SIAH3: variants seen among roughly 807,000 people sequenced by gnomAD.
SIAH3 encodes siah E3 ubiquitin protein ligase family member 3, also known as seven in absentia homolog 3.
SIAH3 carries 9 observed loss-of-function variants against 12.6 expected under a neutral mutation model. The observed-to-expected ratio is 0.72, with a 90% CI of 0.43 to 1.25. The LOEUF is 1.25. SIAH3 is among the 50% of genes most tolerant of loss of function. The pLI is 0.00. For synonymous variants in SIAH3, 154 were observed against 151.1 expected, an observed-to-expected ratio of 1.02 and a Z score of -0.14; for missense variants, 390 against 365.4, an observed-to-expected ratio of 1.07 and a Z score of -0.55.
intron 1 of SIAH3, among the ~76,000 whole-genome samples, chr13:45,793,669 C>T (rs770048944): frequency 6.7e-6 from 1 of 149,158 alleles, no homozygotes; most frequent in Non-Finnish European, 1.5e-5. Context: ...GTTACCCTAA[C>T]ACAATTCAAC....
At chr13:45,802,423 G>A (rs562121236) in intron 1 of SIAH3, among the ~76,000 whole-genome samples, 4 of 152,294 alleles carry the variant, frequency 2.6e-5, no homozygotes, top group East Asian at 3.9e-4. Flanking sequence ...GGGGCGAGGT[G>A]CAGTGAGGCA....
At chr13:45,785,633 C>T (rs1011457395) in intron 1 of SIAH3, among the ~76,000 whole-genome samples, 15 of 152,350 alleles carry the variant, frequency 9.8e-5, no homozygotes, top group South Asian at 2.1e-4. Flanking sequence ...GATTGTCACC[C>T]GAGTGATGGA....
intron 1 of SIAH3, among the ~76,000 whole-genome samples, chr13:45,848,850 A>C (rs914154375): frequency 1.4e-4 from 22 of 152,286 alleles, no homozygotes; most frequent in African/African-American, 5.1e-4. Context: ...GCAGATCAAT[A>C]GCTATTCTGG....
intron 1 of SIAH3, among the ~76,000 whole-genome samples, chr13:45,808,215 G>C (rs1024674600): frequency 6.6e-6 from 1 of 152,170 alleles, no homozygotes; most frequent in Non-Finnish European, 1.5e-5. Flanking sequence ...TGAAGAAAAT[G>C]TTAATAAGGG....
chr13:45,851,314 GCA>G (rs1214020664), intron 1 of SIAH3, among the ~76,000 whole-genome samples, 179 bp downstream of exon 1: 3 of 152,088 alleles, frequency 2.0e-5, no homozygotes. Context: ...GTCACTAACA[GCA>G]CCCAATCACC....
chr13:45,821,878 T>A (rs1341558702), intron 1 of SIAH3, among the ~76,000 whole-genome samples: 1 of 152,260 alleles, frequency 6.6e-6, no homozygotes, highest in Admixed American at 6.5e-5. Flanking sequence ...CTTTTTCATG[T>A]GCCCAGTTGA....
intron 1 of SIAH3, among the ~76,000 whole-genome samples, chr13:45,824,474 A>G (rs910613933): frequency 2.6e-5 from 4 of 152,056 alleles, no homozygotes; most frequent in African/African-American, 9.7e-5. Context: ...GTCACTGGCC[A>G]TTTTCTTCCT....
rs4942434 is a variant in SIAH3 at position 45,779,651 on chromosome 13, A to G, written c.*3732T>C. 129,041 of 152,200 alleles carry G rather than the reference A, an allele frequency of 0.85. 54,712 individuals are homozygous for G. The highest frequency in any genetic ancestry group is 0.88 in the Middle Eastern group (259 of 294). The allele number at this position is 152,200 out of a possible 1,614,324, so 9.4% of individuals were successfully genotyped here. A position where few individuals can be genotyped will look rare whatever the true frequency, so the allele number is the denominator to read the frequency against. Reference sequence around the variant, plus strand: ...CTTACGTTTCCCACCCGTAACATGAATACAATAAAGAGCACCTGCTTGCTA... The same window carrying G: ...CTTACGTTTCCCACCCGTAACATGAGTACAATAAAGAGCACCTGCTTGCTA... On this transcript the variant is annotated 3_prime_UTR_variant, in exon 2 of 2. Coordinates refer to ENST00000400405, the MANE Select transcript of SIAH3 (RefSeq NM_198849.3).
chr13:45,794,929 C>T (rs536888961), intron 1 of SIAH3, among the ~76,000 whole-genome samples: 1 of 149,152 alleles, frequency 6.7e-6, no homozygotes, highest in South Asian at 2.1e-4. Context: ...CCCTTAAGGC[C>T]TTCTAGCAAT....
intron 1 of SIAH3, among the ~76,000 whole-genome samples, chr13:45,798,860 T>C (rs1566089086): frequency 6.6e-6 from 1 of 152,258 alleles, no homozygotes; most frequent in African/African-American, 2.4e-5. Flanking sequence ...TTGTCTTATC[T>C]TCTTCCATGA....
chr13:45,841,825 G>A (rs1025514836), intron 1 of SIAH3, among the ~76,000 whole-genome samples: 1 of 152,196 alleles, frequency 6.6e-6, no homozygotes, highest in Non-Finnish European at 1.5e-5. Flanking sequence ...ATTTGTGCCA[G>A]CGCTAGAGAC....
At chr13:45,809,925 GCAAAAC>G (rs1241434786) in intron 1 of SIAH3, among the ~76,000 whole-genome samples, 2 of 152,330 alleles carry the variant, frequency 1.3e-5, no homozygotes, top group Admixed American at 6.5e-5. Context: ...AAAAGCAAAA[GCAAAAC>G]CAAACCAAGA....
intron 1 of SIAH3, among the ~76,000 whole-genome samples, chr13:45,792,971 A>G (rs1271285716): frequency 7.1e-6 from 1 of 141,340 alleles, no homozygotes; most frequent in Non-Finnish European, 1.5e-5. Flanking sequence ...CGTAATTGGC[A>G]AGTGAAACCT....
chr13:45,784,043 C>A lies in SIAH3; in HGVS notation c.150G>T (p.Arg50=), dbSNP rs1274629067. ...CTGGAGCGCTCTGAGTGACGGCGCG[C>A]CGACTGGACACATACTGTAAGGAAA... ...PTHNLKYVSS[R]RAVTQSAPEQ... The change falls in exon 2 of 2, where the codon CGG becomes CGT. Residue 50 remains arginine, a synonymous_variant. Transcript: ENST00000400405. The A allele has an allele frequency of 2.5e-6, 4 of 1,587,972 alleles. No homozygotes were observed. Among genetic ancestry groups the A allele is most frequent in the African/African-American group, 1.3e-5 (1 of 74,566 alleles).
At chr13:45,820,567 A>G (rs540412522) in intron 1 of SIAH3, among the ~76,000 whole-genome samples, 99 of 152,318 alleles carry the variant, frequency 6.5e-4, no homozygotes, top group African/African-American at 2.3e-3. Flanking sequence ...GTGCAGACAT[A>G]TGGTACGGTG....
chr13:45,786,511 G>T (rs976684111), intron 1 of SIAH3, among the ~76,000 whole-genome samples: 1 of 152,116 alleles, frequency 6.6e-6, no homozygotes, highest in African/African-American at 2.4e-5. Flanking sequence ...CAGGCTGGAG[G>T]TCGAAAGACT....
chr13:45,813,595 C>T (rs916943011), intron 1 of SIAH3, among the ~76,000 whole-genome samples: 8 of 152,214 alleles, frequency 5.3e-5, no homozygotes, highest in African/African-American at 1.9e-4. Flanking sequence ...ATTGCAGTTT[C>T]TGCCATTTAA....
intron 1 of SIAH3, among the ~76,000 whole-genome samples, chr13:45,797,700 A>T (rs1269171831): frequency 6.6e-6 from 1 of 152,150 alleles, no homozygotes; most frequent in Non-Finnish European, 1.5e-5. Flanking sequence ...ACCAGCTCTC[A>T]AGGATGTCAG....
chr13:45,826,353 G>GTGAA (rs1950674766), intron 1 of SIAH3, among the ~76,000 whole-genome samples: 3 of 134,724 alleles, frequency 2.2e-5, no homozygotes, highest in African/African-American at 8.4e-5. Flanking sequence ...GAGTGGGTGG[G>GTGAA]TGGATGGATG....
Sources: allele counts gnomAD v4.1 joint callset (sites outside exome capture counted in the v4.1 genomes callset), GRCh38; gene constraint gnomAD v4.1.1; transcripts MANE v1.5; gene names NCBI Gene and HGNC (gene_info 2026-07-23, HGNC 2026-07-21).